Variants in ARHGAP24 observed in about 807,000 individuals in gnomAD.
The protein encoded by ARHGAP24 is rho GTPase-activating protein 24.
In ARHGAP24, 50 loss-of-function variants were observed where a neutral mutation model predicts 76.4. That is an observed-to-expected ratio of 0.65 (90% CI 0.52 to 0.83). The LOEUF (loss-of-function observed/expected upper bound fraction) is 0.83. Among genes scored for constraint, ARHGAP24 ranks in the 40% least tolerant of loss-of-function variants. ARHGAP24 has a pLI of 0.00. For synonymous variants in ARHGAP24, 345 were observed against 323.3 expected (o/e 1.07, Z -0.72); for missense variants, 930 against 914.2 (o/e 1.02, Z -0.22).
Position 85,518,348 on chromosome 4 carries a change from CT to C in ARHGAP24, c.-21+42796del, listed in dbSNP as rs567686476. ...ATTTTATAAAAATTATTTGTTATTTCTTTTTTTAAAAAAATTTATTTATTTA... is the reference window on the plus strand; with the variant it reads ...ATTTTATAAAAATTATTTGTTATTTCTTTTTTAAAAAAATTTATTTATTTA... On this transcript the variant is annotated intron_variant, in intron 1 of 9. Coordinates refer to ENST00000395184, the MANE Select transcript of ARHGAP24 (RefSeq NM_001025616.3). Among the ~76,000 whole-genome samples, 692 of 144,846 alleles carry C rather than the reference CT, an allele frequency of 4.8e-3. 3 individuals carry two copies. The highest frequency in any genetic ancestry group is 0.021 in the Middle Eastern group (6 of 292).
chr4:85,641,201 A>T (rs544656930), intron 2 of ARHGAP24, among the ~76,000 whole-genome samples: 2 of 152,112 alleles, frequency 1.3e-5, no homozygotes, highest in African/African-American at 4.8e-5. Context: ...GTATCAAATG[A>T]TCCTTCCAGC....
At chr4:85,800,184 G>A (rs959226344) in intron 3 of ARHGAP24, among the ~76,000 whole-genome samples, 1 of 152,088 alleles carries the variant, frequency 6.6e-6, no homozygotes, top group African/African-American at 2.4e-5. Context: ...GATAAAGCTG[G>A]GTGAAGAGTA....
At chr4:85,959,910 A>G (rs559712121) in intron 5 of ARHGAP24, among the ~76,000 whole-genome samples, 3 of 152,122 alleles carry the variant, frequency 2.0e-5, no homozygotes, top group Non-Finnish European at 4.4e-5. Flanking sequence ...GTGACTAGTG[A>G]TGTTCAACCT....
intron 3 of ARHGAP24, among the ~76,000 whole-genome samples, chr4:85,859,164 T>TGC (rs1476460262): frequency 6.6e-6 from 1 of 150,992 alleles, no homozygotes. Flanking sequence ...CCCACTTCTG[T>TGC]GCACACACAC....
chr4:85,800,449 T>G (rs143640073), intron 3 of ARHGAP24, among the ~76,000 whole-genome samples: 39 of 149,898 alleles, frequency 2.6e-4, no homozygotes, highest in African/African-American at 8.4e-4. Context: ...AATGGTAAAA[T>G]AGCAAAATCT....
intron 2 of ARHGAP24, among the ~76,000 whole-genome samples, chr4:85,584,715 A>G (rs1030990488): frequency 6.6e-6 from 1 of 152,304 alleles, no homozygotes; most frequent in African/African-American, 2.4e-5. Flanking sequence ...AGATATGGGC[A>G]GGATCCAAAC....
chr4:85,655,792 T>TATATAGAGAG (rs1553920518), intron 2 of ARHGAP24, among the ~76,000 whole-genome samples: 50 of 37,666 alleles, frequency 1.3e-3, no homozygotes, highest in African/African-American at 2.5e-3. Flanking sequence ...TATATATATA[T>TATATAGAGAG]AGAGAGAGAG....
chr4:85,703,595 C>A lies in ARHGAP24; in HGVS notation c.181-18290C>A, dbSNP rs114585263. 1.9e-3 allele frequency among the ~76,000 whole-genome samples: 292 copies of A among 152,220 alleles called. 3 individuals carry two copies. Among genetic ancestry groups the A allele is most frequent in the African/African-American group, 6.7e-3 (277 of 41,538 alleles). Reference sequence around the variant, plus strand: ...GGCCCCAGAGAGATCCTTGCCTCTTCTGCCATGTGAGGTTACAGCAAAAAC... The same window carrying A: ...GGCCCCAGAGAGATCCTTGCCTCTTATGCCATGTGAGGTTACAGCAAAAAC... On this transcript the variant is annotated intron_variant, in intron 2 of 9. Coordinates refer to ENST00000395184, the MANE Select transcript of ARHGAP24 (RefSeq NM_001025616.3).
At chr4:85,530,886 G>A (rs1321627829) in intron 1 of ARHGAP24, among the ~76,000 whole-genome samples, 1 of 152,006 alleles carries the variant, frequency 6.6e-6, no homozygotes, top group Non-Finnish European at 1.5e-5. Context: ...TAAATGTTAA[G>A]CTTTAGGTTT....
chr4:85,949,058 C>G (rs1018637083), intron 5 of ARHGAP24, among the ~76,000 whole-genome samples: 3 of 152,170 alleles, frequency 2.0e-5, no homozygotes, highest in African/African-American at 4.8e-5. Flanking sequence ...ACAAGTTCAC[C>G]AAGAATGTTC....
At chr4:85,576,198 G>A (rs902535111) in intron 2 of ARHGAP24, among the ~76,000 whole-genome samples, 4 of 62,930 alleles carry the variant, frequency 6.4e-5, no homozygotes, top group African/African-American at 1.8e-4. Context: ...GGGAGGCCGA[G>A]GCGGGTGGAT....
chr4:85,672,344 G>C (rs116151936), intron 2 of ARHGAP24, among the ~76,000 whole-genome samples: 4,441 of 152,182 alleles, frequency 0.029, 195 homozygotes, highest in African/African-American at 0.1. Context: ...TTTTAGTCTA[G>C]CTTTCCTTTG....
chr4:85,864,842 T>A (rs1227850253), intron 3 of ARHGAP24, among the ~76,000 whole-genome samples: 1 of 152,106 alleles, frequency 6.6e-6, no homozygotes, highest in African/African-American at 2.4e-5. Flanking sequence ...TTTTTATGTG[T>A]TAGATAAATA....
At chr4:85,617,105 A>G (rs1720567256) in intron 2 of ARHGAP24, among the ~76,000 whole-genome samples, 1 of 68,484 alleles carries the variant, frequency 1.5e-5, no homozygotes, top group African/African-American at 4.9e-5. Context: ...TTATAAATAT[A>G]TATTTAAATA....
intron 1 of ARHGAP24, among the ~76,000 whole-genome samples, chr4:85,549,795 G>A (rs767677404): frequency 6.6e-5 from 10 of 152,040 alleles, no homozygotes; most frequent in Admixed American, 1.3e-4. Context: ...GGCATCTCTC[G>A]CTCCCTTCTT....
intron 2 of ARHGAP24, 156 bp downstream of exon 2, chr4:85,570,877 T>A (rs1311739536): frequency 1.2e-6 from 1 of 823,088 alleles, no homozygotes; most frequent in African/African-American, 1.7e-5. Context: ...TTGCTTTGAG[T>A]TGGAGATAAT....
At chr4:85,967,931 A>G (rs951134091) in intron 5 of ARHGAP24, among the ~76,000 whole-genome samples, 3 of 152,168 alleles carry the variant, frequency 2.0e-5, no homozygotes, top group African/African-American at 7.2e-5. Flanking sequence ...TTACAGGCAG[A>G]GAAAAAGAAG....
At chr4:85,501,102 A>G (rs999346600) in intron 1 of ARHGAP24, among the ~76,000 whole-genome samples, 2 of 152,052 alleles carry the variant, frequency 1.3e-5, no homozygotes, top group Admixed American at 6.6e-5. Context: ...TATGTGCCAC[A>G]TTTTCTTAAT....
intron 2 of ARHGAP24, among the ~76,000 whole-genome samples, chr4:85,712,354 T>A (rs887863199): frequency 6.6e-6 from 1 of 152,190 alleles, no homozygotes. Context: ...TACCAGCATT[T>A]GAGTGTTTAG....
Sources: allele counts gnomAD v4.1 joint callset (sites outside exome capture counted in the v4.1 genomes callset), GRCh38; gene constraint gnomAD v4.1.1; transcripts MANE v1.5; gene names NCBI Gene and HGNC (gene_info 2026-07-23, HGNC 2026-07-21).